The following AJAP1 variants were observed in gnomAD, a reference collection of about 807,000 sequenced individuals.
AJAP1 encodes the protein adherens junctions associated protein 1, also known as adherens junction-associated protein 1.
AJAP1 carries 5 observed loss-of-function variants against 35.0 expected under a neutral mutation model. That is an observed-to-expected ratio of 0.14 (90% CI 0.07 to 0.30). The LOEUF is 0.30. Ranked by LOEUF, AJAP1 falls within the 10% of genes least tolerant of loss-of-function variation. The pLI is 1.00. For synonymous variants in AJAP1, 284 were observed against 249.3 expected (o/e 1.14, Z -1.31); for missense variants, 586 against 571.0 (o/e 1.03, Z -0.27).
chr1:4,765,723 C>A (rs1307233774), intron 2 of AJAP1, among the ~76,000 whole-genome samples: 1 of 152,170 alleles, frequency 6.6e-6, no homozygotes, highest in Admixed American at 6.5e-5. Context: ...TCGAAGGAAT[C>A]AAACTGGTAC....
At chr1:4,703,362 G>A (rs1445060600) in intron 1 of AJAP1, among the ~76,000 whole-genome samples, 1 of 152,068 alleles carries the variant, frequency 6.6e-6, no homozygotes, top group Non-Finnish European at 1.5e-5. Context: ...AAATTTAGTG[G>A]GAAGCCATCT....
At chr1:4,741,109 G>T (rs1168215630) in intron 2 of AJAP1, among the ~76,000 whole-genome samples, 2 of 152,080 alleles carry the variant, frequency 1.3e-5, no homozygotes, top group Admixed American at 6.5e-5. Context: ...TCTGCCTCAC[G>T]CAGGGGTTGG....
rs114984426 is a variant in AJAP1 at position 4,722,474 on chromosome 1, G to A, written c.829+9775G>A. ...GGAGCCTCGTCCTCTATGTTCACACGCATCTTGTGCATGGGAGGCCCAGCC... is the reference window on the plus strand; with the variant it reads ...GGAGCCTCGTCCTCTATGTTCACACACATCTTGTGCATGGGAGGCCCAGCC... On this transcript the variant is annotated intron_variant, in intron 2 of 5. Transcript: ENST00000378191. Among the ~76,000 whole-genome samples the A allele has an allele frequency of 2.0e-3, 306 of 152,366 alleles. 3 individuals are homozygous for A. Among genetic ancestry groups the A allele is most frequent in the African/African-American group, 6.5e-3 (271 of 41,576 alleles).
intron 1 of AJAP1, among the ~76,000 whole-genome samples, chr1:4,698,799 T>A (rs531895706): frequency 3.3e-5 from 5 of 152,252 alleles, no homozygotes; most frequent in South Asian, 4.2e-4. Flanking sequence ...CTGTGTGCCC[T>A]CCGATGTGCC....
intron 2 of AJAP1, among the ~76,000 whole-genome samples, chr1:4,741,093 G>A (rs998817500): frequency 5.3e-5 from 8 of 152,092 alleles, no homozygotes; most frequent in South Asian, 2.1e-4. Flanking sequence ...TGGCAGGGCT[G>A]GGAGGTCTGC....
rs1465152797 is a variant in AJAP1 at position 4,655,715 on chromosome 1, T to A, written c.29+261T>A. The stretch of plus-strand genomic sequence containing the variant: ...GCGCCCGCCCCAGCAACCCGGGAAG[T>A]GGGGCCGGCCAGGCGCGCCCGCAGC... On this transcript the variant is annotated intron_variant, in intron 1 of 5. Transcript: ENST00000378191. The surrounding 1 kb of genome is among the most constrained non-coding windows in gnomAD (Gnocchi z 6.9). Among the ~76,000 whole-genome samples the A allele has an allele frequency of 6.7e-6, 1 of 149,796 alleles. No individual in the cohort carries two copies. Among genetic ancestry groups the A allele is most frequent in the Non-Finnish European group, 1.5e-5 (1 of 67,366 alleles).
At chr1:4,738,215 G>C (rs766298009) in intron 2 of AJAP1, among the ~76,000 whole-genome samples, 2 of 152,208 alleles carry the variant, frequency 1.3e-5, no homozygotes, top group Non-Finnish European at 2.9e-5. Flanking sequence ...GCATGATGAG[G>C]CATGATCAAC....
At position 4,785,846 on chromosome 1, in the gene AJAP1, T is replaced by C. The variant is rs1474958208; in HGVS notation, c.*3361T>C. 1 of 152,180 alleles carries C rather than the reference T, an allele frequency of 6.6e-6. No homozygotes were observed. The highest frequency in any genetic ancestry group is 2.4e-5 in the African/African-American group (1 of 41,436). 9.4% of individuals were successfully genotyped at this position (152,180 alleles called of 1,614,324 possible). A position where few individuals can be genotyped will look rare whatever the true frequency, so the allele number is the denominator to read the frequency against. ...CCCCAGTTTTCGTCCACTTCCATCT[T>C]ATTCCTCGGAGATCCCGCAATTGCA... is the stretch of plus-strand genomic sequence containing the variant. On this transcript the variant is annotated 3_prime_UTR_variant, in exon 6 of 6. Transcript: ENST00000378191.
At position 4,712,626 on chromosome 1, in the gene AJAP1, A is replaced by G. The variant is rs961068823; in HGVS notation, c.756A>G (p.Thr252=). 2.5e-6 allele frequency: 4 copies of G among 1,576,082 alleles called. No individual in the cohort carries two copies. The African/African-American group carries it at 5.4e-5, about 21-fold the overall frequency. Residue 252 remains threonine (T), a synonymous_variant, in exon 2 of 6, where the codon ACA becomes ACG. Transcript: ENST00000378191. ...PRRRIPGGVS[T]TEPSTSPSNN... ...GAAGGATCCCAGGTGGGGTTAGCAC[A>G]ACGGAGCCTTCCACCAGTCCCAGCA...
At chr1:4,725,007 C>T (rs1013393329) in intron 2 of AJAP1, among the ~76,000 whole-genome samples, 6 of 152,182 alleles carry the variant, frequency 3.9e-5, no homozygotes, top group East Asian at 1.9e-4. Context: ...CCTGCCCCAG[C>T]GCACACTGTC....
chr1:4,677,809 G>C (rs1639395439), intron 1 of AJAP1, among the ~76,000 whole-genome samples: 1 of 152,192 alleles, frequency 6.6e-6, no homozygotes, highest in Admixed American at 6.5e-5. Context: ...ATATCTCATA[G>C]GTGATGAAAA....
intron 2 of AJAP1, among the ~76,000 whole-genome samples, chr1:4,728,944 A>G (rs1424750795): frequency 6.6e-6 from 1 of 152,118 alleles, no homozygotes; most frequent in Non-Finnish European, 1.5e-5. Flanking sequence ...CCCAGCTGCC[A>G]GACCACACAT....
chr1:4,777,400 G>A (rs1239598343), intron 5 of AJAP1: 1 of 152,170 alleles, frequency 6.6e-6, no homozygotes, highest in African/African-American at 2.4e-5. Flanking sequence ...TTTTCTTGCA[G>A]GCGGTTGTCC....
Position 4,782,567 on chromosome 1 carries a change from A to C in AJAP1, c.*82A>C, listed in dbSNP as rs1642083625. 2.5e-6 allele frequency: 1 copy of C among 393,500 alleles called. No individual in the cohort carries two copies. Among genetic ancestry groups the C allele is most frequent in the African/African-American group, 2.1e-5 (1 of 48,528 alleles). 24.4% of individuals were successfully genotyped at this position (393,500 alleles called of 1,614,324 possible). A position where few individuals can be genotyped will look rare whatever the true frequency, so the allele number is the denominator to read the frequency against. On this transcript the variant is annotated 3_prime_UTR_variant, in exon 6 of 6. Transcript: ENST00000378191. The surrounding 1 kb of genome is among the most constrained non-coding windows in gnomAD (Gnocchi z 5.3). ...CAGGATTCCGTTGGTGAACCTGTAA[A>C]AACAAAACAAACAAAACAAAACAAA... is the stretch of plus-strand genomic sequence containing the variant.
At chr1:4,733,600 G>T (rs1161186642) in intron 2 of AJAP1, among the ~76,000 whole-genome samples, 2 of 151,334 alleles carry the variant, frequency 1.3e-5, no homozygotes, top group Admixed American at 6.6e-5. Flanking sequence ...TCAGAGGCCC[G>T]CCCTCCTTGT....
chr1:4,749,437 C>G (rs1557638748), intron 2 of AJAP1, among the ~76,000 whole-genome samples: 1 of 152,248 alleles, frequency 6.6e-6, no homozygotes, highest in Non-Finnish European at 1.5e-5. Flanking sequence ...ACACGAGACG[C>G]TATGGCCCCA....
intron 1 of AJAP1, among the ~76,000 whole-genome samples, chr1:4,664,329 C>G (rs1206809506): frequency 2.6e-5 from 4 of 152,336 alleles, no homozygotes; most frequent in South Asian, 2.1e-4. Context: ...AGCCCAGCAT[C>G]CAGGGCCAAT....
intron 3 of AJAP1, 133 bp from the exon 4 acceptor site, chr1:4,772,147 G>T (rs571763666): frequency 2.6e-6 from 3 of 1,136,228 alleles, no homozygotes; most frequent in East Asian, 2.5e-5. Context: ...GAAGAGGCTG[G>T]GAATTACCGT....
chr1:4,727,200 T>G (rs1245070305), intron 2 of AJAP1, among the ~76,000 whole-genome samples: 1 of 152,176 alleles, frequency 6.6e-6, no homozygotes, highest in African/African-American at 2.4e-5. Context: ...GAACGCTGCA[T>G]CTTTGCAGCC....
Sources: gnomAD v4.1 joint callset for allele counts (sites outside exome capture counted in the v4.1 genomes callset) on GRCh38, gnomAD v4.1.1 for gene constraint, Gnocchi (gnomAD v3.1) non-coding constraint, MANE v1.5 for transcripts, NCBI Gene and HGNC (gene_info 2026-07-23, HGNC 2026-07-21) for gene names.